The following SWT1 variants were observed in gnomAD, a reference collection of about 807,000 sequenced individuals.
The protein encoded by SWT1 is transcriptional protein SWT1.
SWT1 carries 33 observed loss-of-function variants against 107.3 expected under a neutral mutation model. The ratio of observed to expected loss-of-function variants is 0.31; its 90% confidence interval spans 0.23 to 0.41. The LOEUF (loss-of-function observed/expected upper bound fraction) is 0.41, where lower values mean the gene tolerates loss of function less well. SWT1 is among the 10% of genes least tolerant of loss of function. The probability of loss-of-function intolerance (pLI) is 1.00; values close to 1 mark genes in which losing one functional copy is unlikely to be tolerated. For synonymous variants in SWT1, 345 were observed against 348.3 expected, an observed-to-expected ratio of 0.99 and a Z score of 0.11; for missense variants, 898 against 1,028.9, an observed-to-expected ratio of 0.87 and a Z score of 1.74.
At position 185,231,746 on chromosome 1, in the gene SWT1, T is replaced by C. The variant is rs767053302; in HGVS notation, c.2441+38T>C. On this transcript the variant is annotated intron_variant, in intron 16 of 18. Coordinates refer to ENST00000367500, the MANE Select transcript of SWT1 (RefSeq NM_017673.7). ...TTAATTTTAAAGTGTTATTTACTTA[T>C]TACTTTTCTCTTTCTCCTAGGCTTA... The C allele has an allele frequency of 2.6e-5, 40 of 1,526,378 alleles. No individual in the cohort carries two copies. The East Asian group carries it at 4.8e-4, about 18-fold the overall frequency. 94.6% of individuals were successfully genotyped at this position (1,526,378 alleles called of 1,614,324 possible). A position where few individuals can be genotyped will look rare whatever the true frequency, so the allele number is the denominator to read the frequency against.
intron 15 of SWT1, among the ~76,000 whole-genome samples, chr1:185,228,207 T>G: frequency 6.9e-6 from 1 of 144,930 alleles, no homozygotes; most frequent in Middle Eastern, 3.3e-3. Flanking sequence ...ATATACTCAG[T>G]ATGTTTTTCT....
intron 18 of SWT1, among the ~76,000 whole-genome samples, chr1:185,287,022 G>A (rs561460514): frequency 6.6e-5 from 10 of 151,550 alleles, no homozygotes; most frequent in African/African-American, 2.2e-4. Flanking sequence ...TTTATTTGAC[G>A]TACACATTGC....
At chr1:185,158,809 CATTT>C (rs1653883783) in intron 1 of SWT1, among the ~76,000 whole-genome samples, 1 of 152,160 alleles carries the variant, frequency 6.6e-6, no homozygotes, top group Non-Finnish European at 1.5e-5. Flanking sequence ...CAACAGTAAA[CATTT>C]ATTACTCCAC....
At chr1:185,236,644 A>G (rs1201809621) in intron 16 of SWT1, among the ~76,000 whole-genome samples, 1 of 152,236 alleles carries the variant, frequency 6.6e-6, no homozygotes, top group Non-Finnish European at 1.5e-5. Flanking sequence ...AATACCATTC[A>G]GGACATAGGC....
At chr1:185,197,144 C>G (rs180792646) in intron 10 of SWT1, among the ~76,000 whole-genome samples, 3 of 152,198 alleles carry the variant, frequency 2.0e-5, no homozygotes, top group Admixed American at 2.0e-4. Context: ...ACTCGTTCCA[C>G]CGAGTTTATT....
intron 2 of SWT1, among the ~76,000 whole-genome samples, chr1:185,161,871 G>A (rs547185941): frequency 6.6e-6 from 1 of 152,232 alleles, no homozygotes; most frequent in African/African-American, 2.4e-5. Context: ...CAGTATTAGA[G>A]AGTGTTTATG....
chr1:185,171,940 T>C (rs1655108171), intron 4 of SWT1, among the ~76,000 whole-genome samples: 1 of 152,202 alleles, frequency 6.6e-6, no homozygotes, highest in South Asian at 2.1e-4. Flanking sequence ...CATTCATGCA[T>C]GCATATATGA....
At chr1:185,233,867 C>G (rs1016942788) in intron 16 of SWT1, among the ~76,000 whole-genome samples, 4 of 152,102 alleles carry the variant, frequency 2.6e-5, no homozygotes, top group Non-Finnish European at 5.9e-5. Flanking sequence ...CCTCAGCCTC[C>G]CAAGTAGCTG....
chr1:185,188,865 T>G (rs1199538628), intron 9 of SWT1, among the ~76,000 whole-genome samples: 1 of 152,228 alleles, frequency 6.6e-6, no homozygotes, highest in Non-Finnish European at 1.5e-5. Flanking sequence ...TGGGGTATGG[T>G]CCTGCATTCT....
At chr1:185,253,598 A>G (rs972081590) in intron 16 of SWT1, among the ~76,000 whole-genome samples, 6 of 151,362 alleles carry the variant, frequency 4.0e-5, no homozygotes, top group African/African-American at 1.5e-4. Flanking sequence ...GTTGGTGTAT[A>G]AGAATGCTTG....
intron 16 of SWT1, among the ~76,000 whole-genome samples, chr1:185,262,008 A>C (rs1181735460): frequency 6.6e-6 from 1 of 152,106 alleles, no homozygotes; most frequent in Non-Finnish European, 1.5e-5. Context: ...AAATGGTGGG[A>C]GGATACGATC....
At chr1:185,175,451 T>A (rs527635753) in intron 5 of SWT1, among the ~76,000 whole-genome samples, 51 of 152,288 alleles carry the variant, frequency 3.3e-4, no homozygotes, top group African/African-American at 1.1e-3. Flanking sequence ...GGTCTTGAAC[T>A]CCTGGGCTGA....
rs1656868060 is a variant in SWT1, at chr1:185,190,578, C to T, written c.1459C>T (p.Arg487Ter). 6.2e-7 allele frequency: 1 copy of T among 1,610,588 alleles called. No homozygotes were observed. The highest frequency in any genetic ancestry group is 8.5e-7 in the Non-Finnish European group (1 of 1,177,122). The change falls in exon 10 of 19, where the codon CGA becomes TGA. Residue 487 changes from arginine (R) to a stop codon, truncating the protein, a stop_gained. Coordinates refer to ENST00000367500, the MANE Select transcript of SWT1 (RefSeq NM_017673.7). LOFTEE classifies it high-confidence loss of function. ...ATTGAGTGATGAGAACAATGATGAT[C>T]GAGTACTAAAATGCTGTCTCCAGCA... Reference protein sequence around the residue: ...YGLSDENNDDRVLKCCLQHQE... With the variant: ...YGLSDENNDD
At chr1:185,188,260 A>G (rs960503077) in intron 9 of SWT1, among the ~76,000 whole-genome samples, 4 of 152,220 alleles carry the variant, frequency 2.6e-5, no homozygotes, top group African/African-American at 9.7e-5. Context: ...ATAGTCTTAC[A>G]GTTGATTTTT....
At chr1:185,187,442 G>C (rs1190908447) in intron 9 of SWT1, among the ~76,000 whole-genome samples, 1 of 152,002 alleles carries the variant, frequency 6.6e-6, no homozygotes, top group Non-Finnish European at 1.5e-5. Flanking sequence ...CATTTGTTCT[G>C]TATTTTTATA....
chr1:185,159,087 T>C (rs528766256), intron 1 of SWT1, among the ~76,000 whole-genome samples: 67 of 152,226 alleles, frequency 4.4e-4, no homozygotes, highest in African/African-American at 1.5e-3. Context: ...TTCCCTAGAG[T>C]GAGCAGTCCA....
At chr1:185,176,768 A>C in intron 5 of SWT1, 1 of 748,418 alleles carries the variant, frequency 1.3e-6, no homozygotes, top group Non-Finnish European at 1.6e-6. Context: ...GCGGATCACG[A>C]GGTCAGGAGA....
At chr1:185,165,995 C>G (rs1654537296) in intron 2 of SWT1, among the ~76,000 whole-genome samples, 2 of 152,182 alleles carry the variant, frequency 1.3e-5, no homozygotes, top group Non-Finnish European at 2.9e-5. Context: ...TGTTTCCTTT[C>G]TCTGCTTTAC....
chr1:185,176,759 C>T (rs1306785915), intron 5 of SWT1: 39 of 824,504 alleles, frequency 4.7e-5, no homozygotes, highest in Admixed American at 6.2e-5. Flanking sequence ...CCGAGGTGGG[C>T]GGATCACGAG....
Sources: gnomAD v4.1 joint callset for allele counts (sites outside exome capture counted in the v4.1 genomes callset) on GRCh38, gnomAD v4.1.1 for gene constraint, MANE v1.5 for transcripts, NCBI Gene and HGNC (gene_info 2026-07-23, HGNC 2026-07-21) for gene names.